Variants in CDH12 observed in about 807,000 individuals in gnomAD.
CDH12 encodes the protein cadherin 12, also known as cadherin-12.
A neutral mutation model predicts 74.1 loss-of-function variants in CDH12; 41 were observed. That is an observed-to-expected ratio of 0.55 (90% CI 0.43 to 0.72). The LOEUF is 0.72. CDH12 is among the 30% of genes least tolerant of loss of function. The pLI, the probability that CDH12 is intolerant of heterozygous loss-of-function variation, is 0.00. For synonymous variants in CDH12, 399 were observed against 355.0 expected (o/e 1.12, Z -1.39); for missense variants, 945 against 977.2 (o/e 0.97, Z 0.44).
intron 1 of CDH12, among the ~76,000 whole-genome samples, chr5:22,827,590 G>A (rs1048963277): frequency 2.0e-5 from 3 of 152,152 alleles, no homozygotes; most frequent in Admixed American, 6.5e-5. Flanking sequence ...GTCAAACCTA[G>A]GTAGTCTGCC....
chr5:22,071,051 T>C (rs568444124), intron 5 of CDH12, among the ~76,000 whole-genome samples: 26 of 152,062 alleles, frequency 1.7e-4, no homozygotes, highest in Non-Finnish European at 3.5e-4. Flanking sequence ...GATGGATTGA[T>C]AGGTGCAGCA....
chr5:22,535,489 G>C (rs1737805462), intron 1 of CDH12, among the ~76,000 whole-genome samples: 2 of 152,166 alleles, frequency 1.3e-5, no homozygotes, highest in South Asian at 4.1e-4. Context: ...TACATTTGAT[G>C]CTTTTAGAAA....
intron 1 of CDH12, among the ~76,000 whole-genome samples, chr5:22,714,374 T>C (rs956844843): frequency 9.9e-5 from 15 of 152,172 alleles, no homozygotes; most frequent in African/African-American, 3.6e-4. Flanking sequence ...TAGGAATGCA[T>C]ACCTGCTCCA....
At chr5:22,801,382 G>T (rs1289615799) in intron 1 of CDH12, among the ~76,000 whole-genome samples, 1 of 151,932 alleles carries the variant, frequency 6.6e-6, no homozygotes, top group Non-Finnish European at 1.5e-5. Flanking sequence ...GTTTTGGGAC[G>T]CCTTGAAAGA....
rs1357559165 is a variant in CDH12, at chr5:21,752,246, G to A, written c.1886-10C>T. ...TACAGTACAACTATGGCTGGAACAAGACAAAAATTGCAATTTGAGAATAGA... is the reference window on the plus strand; with the variant it reads ...TACAGTACAACTATGGCTGGAACAAAACAAAAATTGCAATTTGAGAATAGA... On this transcript the variant is annotated splice_polypyrimidine_tract_variant and intron_variant, in intron 14 of 14. Coordinates refer to ENST00000382254, the MANE Select transcript of CDH12 (RefSeq NM_004061.5). 3 of 1,562,280 alleles carry A rather than the reference G, an allele frequency of 1.9e-6. No individual in the cohort carries two copies. Among genetic ancestry groups the A allele is most frequent in the Non-Finnish European group, 1.7e-6 (2 of 1,155,506 alleles).
intron 4 of CDH12, among the ~76,000 whole-genome samples, chr5:22,190,932 C>T (rs943932668): frequency 1.3e-5 from 2 of 152,228 alleles, no homozygotes; most frequent in African/African-American, 4.8e-5. Flanking sequence ...TCAACTCCCA[C>T]CACTATGTAT....
At chr5:22,072,865 C>A (rs1336100457) in intron 5 of CDH12, among the ~76,000 whole-genome samples, 2 of 151,946 alleles carry the variant, frequency 1.3e-5, no homozygotes, top group Admixed American at 6.6e-5. Flanking sequence ...GGATAATAAA[C>A]CATGATATTT....
At chr5:22,103,500 G>A (rs1349417603) in intron 4 of CDH12, among the ~76,000 whole-genome samples, 3 of 152,160 alleles carry the variant, frequency 2.0e-5, no homozygotes, top group African/African-American at 7.2e-5. Context: ...TATTGACTTA[G>A]ACAGGTGCTG....
chr5:22,494,228 G>A (rs556968286), intron 2 of CDH12, among the ~76,000 whole-genome samples: 21 of 152,334 alleles, frequency 1.4e-4, no homozygotes, highest in African/African-American at 4.3e-4. Flanking sequence ...TCCCCAGATT[G>A]GCGTGGGTTT....
intron 1 of CDH12, among the ~76,000 whole-genome samples, chr5:22,518,475 A>G (rs1459949239): frequency 1.3e-5 from 2 of 152,160 alleles, no homozygotes; most frequent in Non-Finnish European, 2.9e-5. Context: ...CAAAGCTTGG[A>G]TCTGCGCTTT....
rs375914523 is a variant in CDH12, at chr5:21,833,753, T to C, written c.814+8408A>G. Among the ~76,000 whole-genome samples the C allele has an allele frequency of 7.9e-5, 12 of 151,614 alleles. No homozygotes were observed. In the East Asian group the frequency reaches 9.7e-4, roughly 12 times the overall value. On this transcript the variant is annotated intron_variant, in intron 8 of 14. Coordinates refer to ENST00000382254, the MANE Select transcript of CDH12 (RefSeq NM_004061.5). The stretch of plus-strand genomic sequence containing the variant: ...GTATCAGAATCTACCACAAAACTTA[T>C]CTAAAATTTAGATTTCTTAGGTCCA...
chr5:22,320,314 A>T (rs1738814638), intron 3 of CDH12, among the ~76,000 whole-genome samples: 1 of 152,190 alleles, frequency 6.6e-6, no homozygotes. Context: ...AACTAATTAA[A>T]AGTTGTTACC....
intron 3 of CDH12, among the ~76,000 whole-genome samples, chr5:22,317,496 G>A (rs992446883): frequency 6.6e-6 from 1 of 151,890 alleles, no homozygotes; most frequent in African/African-American, 2.4e-5. Flanking sequence ...GAGATTATAA[G>A]ACAACCAACC....
Position 21,867,385 on chromosome 5 carries a change from C to G in CDH12, c.527-12595G>C, listed in dbSNP as rs575639750. On this transcript the variant is annotated intron_variant, in intron 6 of 14. Coordinates refer to ENST00000382254, the MANE Select transcript of CDH12 (RefSeq NM_004061.5). ...AAATAAAATAAAATAAGAATTAAGG[C>G]TTGGGAACCTCTGCCTAGATTTCAG... 3.7e-4 allele frequency among the ~76,000 whole-genome samples: 57 copies of G among 152,146 alleles called. 1 individual carries two copies. In the East Asian group the frequency reaches 9.3e-3, roughly 25 times the overall value.
Position 21,831,069 on chromosome 5 carries a change from A to AAC in CDH12, c.814+11091_814+11092insGT, listed in dbSNP as rs199794884. Among the ~76,000 whole-genome samples, 118 of 150,980 alleles carry AAC rather than the reference A, an allele frequency of 7.8e-4. 1 individual carries two copies. The East Asian group carries it at 0.019, about 24-fold the overall frequency. On this transcript the variant is annotated intron_variant, in intron 8 of 14. Transcript: ENST00000382254. ...AAGAAAACAAAAACAAAAACAAACA[A>AAC]AAAAAAACCAAGCAAACAAACAAAA...
chr5:22,454,269 C>T (rs982098424), intron 2 of CDH12, among the ~76,000 whole-genome samples: 7 of 152,050 alleles, frequency 4.6e-5, no homozygotes, highest in South Asian at 2.1e-4. Flanking sequence ...ATTAGTCTTT[C>T]GTATATCATA....
chr5:22,842,693 G>A (rs1015177162), intron 1 of CDH12, among the ~76,000 whole-genome samples: 3 of 152,010 alleles, frequency 2.0e-5, no homozygotes, highest in Admixed American at 2.0e-4. Context: ...TAAACTACTT[G>A]GATTTTTCAA....
intron 4 of CDH12, among the ~76,000 whole-genome samples, chr5:22,202,149 TC>T (rs1750960027): frequency 2.2e-5 from 1 of 45,558 alleles, no homozygotes; most frequent in South Asian, 1.3e-3. Context: ...CTCCCTACTT[TC>T]CTTCCTTCCT....
At chr5:21,941,268 CCTAA>C (rs1193257208) in intron 6 of CDH12, among the ~76,000 whole-genome samples, 1 of 152,076 alleles carries the variant, frequency 6.6e-6, no homozygotes, top group African/African-American at 2.4e-5. Context: ...TGAGAAATAA[CCTAA>C]CTATCTAAAC....
Sources: allele counts gnomAD v4.1 joint callset (sites outside exome capture counted in the v4.1 genomes callset), GRCh38; gene constraint gnomAD v4.1.1; transcripts MANE v1.5; gene names NCBI Gene and HGNC (gene_info 2026-07-23, HGNC 2026-07-21).